The following DOCK3 variants were observed in gnomAD, a reference collection of about 807,000 sequenced individuals.
DOCK3 encodes dedicator of cytokinesis protein 3.
Under a neutral mutation model 265.6 loss-of-function variants are expected in DOCK3, and 60 were observed. The observed-to-expected ratio is 0.23, with a 90% CI of 0.18 to 0.28. The LOEUF (loss-of-function observed/expected upper bound fraction) is 0.28, where lower values mean the gene tolerates loss of function less well. DOCK3 is among the 10% of genes least tolerant of loss of function. The probability of loss-of-function intolerance (pLI) is 1.00; values close to 1 mark genes in which losing one functional copy is unlikely to be tolerated. For missense variants in DOCK3, 1,981 were observed against 2,594.3 expected (o/e 0.76, Z 5.14); for synonymous variants, 881 against 938.0 (o/e 0.94, Z 1.11).
At chr3:51,329,349 C>A (rs1407918581) in intron 32 of DOCK3, among the ~76,000 whole-genome samples, 1 of 152,016 alleles carries the variant, frequency 6.6e-6, no homozygotes, top group East Asian at 1.9e-4. Context: ...ACATGCTTAC[C>A]CACGTAACAA....
intron 5 of DOCK3, among the ~76,000 whole-genome samples, chr3:51,041,185 TATATATATATATATATA>T (rs2080489806): frequency 3.3e-4 from 5 of 15,100 alleles, no homozygotes; most frequent in East Asian, 1.4e-3. Context: ...TATATATATA[TATATATATATATATATA>T]TATTTTTTTT....
chr3:50,819,506 G>A (rs936839539), intron 2 of DOCK3, among the ~76,000 whole-genome samples: 2 of 152,116 alleles, frequency 1.3e-5, no homozygotes, highest in African/African-American at 4.8e-5. Flanking sequence ...ATCTAGGTGG[G>A]GCATGGTGGC....
At chr3:51,261,877 G>A (rs1307559278) in intron 23 of DOCK3, among the ~76,000 whole-genome samples, 3 of 152,126 alleles carry the variant, frequency 2.0e-5, no homozygotes, top group South Asian at 2.1e-4. Context: ...CCTCCTCTGT[G>A]GGCAGGGCAT....
chr3:51,073,343 G>A (rs188810042), intron 6 of DOCK3, among the ~76,000 whole-genome samples: 1 of 152,256 alleles, frequency 6.6e-6, no homozygotes, highest in South Asian at 2.1e-4. Context: ...TTTATAAGAA[G>A]GGGTTAGAAA....
chr3:51,357,701 C>A (rs2086456099), intron 44 of DOCK3, 57 bp from the exon 45 acceptor site: 1 of 1,582,478 alleles, frequency 6.3e-7, no homozygotes, highest in South Asian at 1.1e-5. Context: ...TCTCCTGGGC[C>A]CCACTTAAGT....
chr3:50,787,717 CT>C lies in DOCK3; in HGVS notation c.121+8961del, dbSNP rs570482093. The C allele has an allele frequency of 7.0e-3, 8,955 of 1,270,544 alleles. 54 individuals are homozygous for C. The highest frequency in any genetic ancestry group is 9.2e-3 in the Middle Eastern group (48 of 5,220). 78.7% of individuals were successfully genotyped at this position (1,270,544 alleles called of 1,614,324 possible). A position where few individuals can be genotyped will look rare whatever the true frequency, so the allele number is the denominator to read the frequency against. ...AGCAACAGAGGCAGCTCTCCTCATT[CT>C]TCTTTCTGTAACGCTGACTTTCTCT... is the stretch of plus-strand genomic sequence containing the variant. On this transcript the variant is annotated intron_variant, in intron 2 of 52. Transcript: ENST00000266037.
At chr3:50,757,316 C>T (rs1028873789) in intron 1 of DOCK3, among the ~76,000 whole-genome samples, 4 of 151,754 alleles carry the variant, frequency 2.6e-5, no homozygotes, top group African/African-American at 4.8e-5. Context: ...GGATTACAGG[C>T]GCGCATCACC....
At chr3:50,939,693 A>G (rs1172636879) in intron 5 of DOCK3, among the ~76,000 whole-genome samples, 1 of 152,110 alleles carries the variant, frequency 6.6e-6, no homozygotes, top group African/African-American at 2.4e-5. Flanking sequence ...CATGATAACA[A>G]CTCTCAGTAA....
At chr3:51,164,148 C>T (rs1271980462) in intron 12 of DOCK3, among the ~76,000 whole-genome samples, 3 of 152,244 alleles carry the variant, frequency 2.0e-5, no homozygotes, top group African/African-American at 4.8e-5. Context: ...GCATTTAACA[C>T]GTCAATTTGG....
intron 4 of DOCK3, among the ~76,000 whole-genome samples, chr3:50,920,891 T>C (rs2050417852): frequency 6.6e-6 from 1 of 152,238 alleles, no homozygotes; most frequent in Non-Finnish European, 1.5e-5. Context: ...CATTTAGTGC[T>C]ATAAATTTCC....
chr3:50,831,044 T>C (rs1237875459), intron 2 of DOCK3, among the ~76,000 whole-genome samples: 1 of 152,042 alleles, frequency 6.6e-6, no homozygotes, highest in Non-Finnish European at 1.5e-5. Flanking sequence ...ATTTGTACAC[T>C]GTCATGGCAC....
At chr3:51,228,158 A>C in intron 17 of DOCK3, 70 bp downstream of exon 17, 2 of 1,505,522 alleles carry the variant, frequency 1.3e-6, no homozygotes, top group Non-Finnish European at 1.8e-6. Flanking sequence ...CATGGTTCTC[A>C]GTTAGGTGGT....
chr3:51,026,837 T>C (rs566640797), intron 5 of DOCK3, among the ~76,000 whole-genome samples: 1 of 152,198 alleles, frequency 6.6e-6, no homozygotes, highest in Admixed American at 6.5e-5. Flanking sequence ...TTATTTTGGA[T>C]TGTGCTTATT....
rs568018159 is a variant in DOCK3, at chr3:51,057,502, A to G, written c.316-6946A>G. On this transcript the variant is annotated intron_variant, in intron 5 of 52. Transcript: ENST00000266037. ...CCAGAAAACAAAACCTGTAGTGCCA[A>G]CCTAATTATACTGTTACTTTAATCC... Among the ~76,000 whole-genome samples the G allele has an allele frequency of 3.3e-3, 496 of 152,316 alleles. 7 individuals are homozygous for G. Among genetic ancestry groups the G allele is most frequent in the African/African-American group, 0.011 (450 of 41,560 alleles).
At chr3:50,966,534 A>ACAC (rs2077039566) in intron 5 of DOCK3, among the ~76,000 whole-genome samples, 1 of 143,538 alleles carries the variant, frequency 7.0e-6, no homozygotes, top group Non-Finnish European at 1.5e-5. Context: ...AGCCATTCTA[A>ACAC]CACTTGTGAG....
At chr3:50,746,069 C>T (rs1403389917) in intron 1 of DOCK3, among the ~76,000 whole-genome samples, 1 of 150,364 alleles carries the variant, frequency 6.7e-6, no homozygotes, top group African/African-American at 2.4e-5. Flanking sequence ...TTTTTACAGT[C>T]TCATTCAAAG....
At position 51,312,098 on chromosome 3, in the gene DOCK3, T is replaced by A. The variant is rs767946909; in HGVS notation, c.3093+19T>A. 6.3e-7 allele frequency: 1 copy of A among 1,581,132 alleles called. No homozygotes were observed. The highest frequency in any genetic ancestry group is 8.6e-7 in the Non-Finnish European group (1 of 1,160,590). ...CTTTAAGGTAGGCACTCCTGAAATA[T>A]CCATCACTATTATTGCAATAACCTT... On this transcript the variant is annotated intron_variant, in intron 29 of 52. Transcript: ENST00000266037.
At chr3:50,830,801 A>AT (rs1463942608) in intron 2 of DOCK3, among the ~76,000 whole-genome samples, 2 of 152,138 alleles carry the variant, frequency 1.3e-5, no homozygotes, top group Admixed American at 6.5e-5. Context: ...TATTATTTTT[A>AT]TTTTTTTAAA....
At chr3:50,865,213 C>T (rs970053584) in intron 3 of DOCK3, among the ~76,000 whole-genome samples, 1 of 152,012 alleles carries the variant, frequency 6.6e-6, no homozygotes, top group Non-Finnish European at 1.5e-5. Flanking sequence ...CTGTAGTCAC[C>T]ATGTTGTGCT....
Sources: gnomAD v4.1 joint callset for allele counts (sites outside exome capture counted in the v4.1 genomes callset) on GRCh38, gnomAD v4.1.1 for gene constraint, MANE v1.5 for transcripts, NCBI Gene and HGNC (gene_info 2026-07-23, HGNC 2026-07-21) for gene names.